The following KCNIP1 variants were observed in gnomAD, a reference collection of about 807,000 sequenced individuals.
KCNIP1 encodes potassium voltage-gated channel interacting protein 1.
A neutral mutation model predicts 33.0 loss-of-function variants in KCNIP1; 18 were observed. That is an observed-to-expected ratio of 0.55 (90% CI 0.38 to 0.81). The LOEUF (loss-of-function observed/expected upper bound fraction) is 0.81, where lower values mean the gene tolerates loss of function less well. Among genes scored for constraint, KCNIP1 ranks in the 30% least tolerant of loss-of-function variants. The pLI is 0.00. For missense variants in KCNIP1, 238 were observed against 271.6 expected (o/e 0.88, Z 0.87); for synonymous variants, 93 against 98.3 (o/e 0.95, Z 0.32).
intron 1 of KCNIP1, among the ~76,000 whole-genome samples, chr5:170,696,716 A>G (rs1358993027): frequency 6.6e-6 from 1 of 152,188 alleles, no homozygotes; most frequent in Non-Finnish European, 1.5e-5. Context: ...AGTGTCAACC[A>G]GGAAGTCATG....
At chr5:170,533,478 G>A (rs1285417775) in intron 1 of KCNIP1, among the ~76,000 whole-genome samples, 16 of 152,276 alleles carry the variant, frequency 1.1e-4, no homozygotes, top group African/African-American at 3.1e-4. Flanking sequence ...CAGGATCCAC[G>A]GTGCCCCCAG....
At chr5:170,485,001 C>T (rs1324898797) in intron 1 of KCNIP1, among the ~76,000 whole-genome samples, 7 of 140,920 alleles carry the variant, frequency 5.0e-5, no homozygotes, top group African/African-American at 8.0e-5. Context: ...AGTGCAGTGG[C>T]GCAATCTCCA....
chr5:170,702,714 C>T (rs184597337), intron 1 of KCNIP1, among the ~76,000 whole-genome samples: 1 of 152,276 alleles, frequency 6.6e-6, no homozygotes, highest in East Asian at 1.9e-4. Context: ...AGCATCTGCC[C>T]ATCAAGCAGA....
chr5:170,682,667 C>A (rs1762388985), intron 1 of KCNIP1, among the ~76,000 whole-genome samples: 1 of 152,102 alleles, frequency 6.6e-6, no homozygotes, highest in African/African-American at 2.4e-5. Flanking sequence ...ACCAACTGAG[C>A]AGAGCCCCTG....
intron 1 of KCNIP1, among the ~76,000 whole-genome samples, chr5:170,524,896 G>A (rs1191472922): frequency 2.0e-5 from 3 of 152,208 alleles, no homozygotes; most frequent in East Asian, 1.9e-4. Flanking sequence ...GACTAGTGGT[G>A]AGAGGGATTC....
intron 1 of KCNIP1, among the ~76,000 whole-genome samples, chr5:170,419,906 T>C (rs2113424662): frequency 6.6e-6 from 1 of 152,208 alleles, no homozygotes; most frequent in East Asian, 1.9e-4. Flanking sequence ...AGAGCTGCAG[T>C]TCAAGCCCAG....
chr5:170,391,611 T>G (rs1038809777), intron 1 of KCNIP1, among the ~76,000 whole-genome samples: 17 of 152,196 alleles, frequency 1.1e-4, no homozygotes, highest in Admixed American at 1.0e-3. Context: ...ACAAAATATC[T>G]TCTCTGACTC....
chr5:170,577,154 T>A (rs1394513687), intron 1 of KCNIP1, among the ~76,000 whole-genome samples: 1 of 152,180 alleles, frequency 6.6e-6, no homozygotes, highest in Admixed American at 6.5e-5. Context: ...TTGGGAGTGT[T>A]AGTACATCAG....
intron 1 of KCNIP1, chr5:170,383,826 G>C (rs147511146): frequency 6.2e-7 from 1 of 1,614,006 alleles, no homozygotes; most frequent in East Asian, 2.2e-5. Context: ...CAATCAGGTG[G>C]CACTTGGATT....
intron 1 of KCNIP1, among the ~76,000 whole-genome samples, chr5:170,647,249 AT>A (rs1274492271): frequency 6.6e-6 from 1 of 152,178 alleles, no homozygotes; most frequent in East Asian, 1.9e-4. Context: ...CTATTAACAA[AT>A]TATTTTATGG....
intron 1 of KCNIP1, among the ~76,000 whole-genome samples, chr5:170,716,233 G>A (rs528546736): frequency 6.6e-6 from 1 of 152,318 alleles, no homozygotes; most frequent in South Asian, 2.1e-4. Context: ...GTCTACAAAG[G>A]AATACATTAA....
upstream of KCNIP1, among the ~76,000 whole-genome samples, chr5:170,500,337 C>T (rs1359884837): frequency 2.6e-5 from 4 of 152,106 alleles, no homozygotes; most frequent in East Asian, 1.9e-4. Context: ...CAGTCCACAC[C>T]GGGGTGCATG....
At chr5:170,476,092 T>G (rs1219461866) in intron 1 of KCNIP1, among the ~76,000 whole-genome samples, 1 of 151,990 alleles carries the variant, frequency 6.6e-6, no homozygotes, top group Non-Finnish European at 1.5e-5. Flanking sequence ...CACCTCAGCC[T>G]CCTGACTAGC....
chr5:170,703,715 T>A (rs1201682292), intron 1 of KCNIP1, among the ~76,000 whole-genome samples: 1 of 138,178 alleles, frequency 7.2e-6, no homozygotes. Flanking sequence ...AGTTACCCGC[T>A]AAATTAGCCA....
chr5:170,608,232 C>T (rs181060236), intron 1 of KCNIP1, among the ~76,000 whole-genome samples: 3 of 152,306 alleles, frequency 2.0e-5, no homozygotes, highest in Admixed American at 2.0e-4. Flanking sequence ...GAAAAGCAAA[C>T]CTTTGCTGCT....
chr5:170,704,469 T>C (rs894278994), intron 1 of KCNIP1, among the ~76,000 whole-genome samples: 1 of 150,750 alleles, frequency 6.6e-6, no homozygotes, highest in Non-Finnish European at 1.5e-5. Flanking sequence ...GGTTAAGCAA[T>C]GTGAAAGTAC....
chr5:170,557,367 T>A (rs1561685517), intron 1 of KCNIP1, among the ~76,000 whole-genome samples: 1 of 152,122 alleles, frequency 6.6e-6, no homozygotes, highest in African/African-American at 2.4e-5. Flanking sequence ...CATTGCGAAG[T>A]CATCTCAAAG....
chr5:170,432,048 T>TTC (rs1235211168), intron 1 of KCNIP1, among the ~76,000 whole-genome samples: 31 of 152,120 alleles, frequency 2.0e-4, no homozygotes, highest in African/African-American at 6.8e-4. Context: ...TTTTTTTTTT[T>TTC]TCACATTGAG....
At chr5:170,498,078 G>C (rs2113216599) in intron 1 of KCNIP1, among the ~76,000 whole-genome samples, 1 of 152,322 alleles carries the variant, frequency 6.6e-6, no homozygotes, top group South Asian at 2.1e-4. Context: ...AGGGAGAGCT[G>C]CCTCCCAAAC....
Sources: gnomAD v4.1 joint callset for allele counts (sites outside exome capture counted in the v4.1 genomes callset) on GRCh38, gnomAD v4.1.1 for gene constraint, MANE v1.5 for transcripts, NCBI Gene and HGNC (gene_info 2026-07-23, HGNC 2026-07-21) for gene names.